Variants in CSMD2 observed in about 807,000 individuals in gnomAD.
CSMD2 encodes the protein CUB and Sushi multiple domains 2, also known as CUB and sushi domain-containing protein 2.
Under a neutral mutation model 398.5 loss-of-function variants are expected in CSMD2, and 130 were observed. That is an observed-to-expected ratio of 0.33 (90% CI 0.28 to 0.38). CSMD2 has a LOEUF of 0.38. CSMD2 is among the 10% of genes least tolerant of loss of function. The pLI is 1.00. For missense variants in CSMD2, 3,829 were observed against 4,764.9 expected, an observed-to-expected ratio of 0.80 and a Z score of 5.78; for synonymous variants, 1,828 against 1,908.5, an observed-to-expected ratio of 0.96 and a Z score of 1.10.
At chr1:33,659,459 C>G (rs1345654426) in intron 26 of CSMD2, among the ~76,000 whole-genome samples, 1 of 152,212 alleles carries the variant, frequency 6.6e-6, no homozygotes, top group African/African-American at 2.4e-5. Context: ...TTCTTGAAAC[C>G]ACAGGATAAA....
chr1:33,764,253 A>G (rs890896282), intron 13 of CSMD2, among the ~76,000 whole-genome samples: 4 of 152,060 alleles, frequency 2.6e-5, no homozygotes, highest in Admixed American at 2.6e-4. Context: ...CAGCTCTTTC[A>G]GCCCTGGACT....
chr1:33,541,442 G>T, intron 58 of CSMD2, 133 bp from the exon 59 acceptor site: 1 of 700,202 alleles, frequency 1.4e-6, no homozygotes, highest in Non-Finnish European at 2.4e-6. Context: ...TCTCCTCACA[G>T]GATCCCAGTT....
chr1:34,161,048 T>G (rs1557453982), intron 1 of CSMD2, among the ~76,000 whole-genome samples: 1 of 152,124 alleles, frequency 6.6e-6, no homozygotes, highest in Non-Finnish European at 1.5e-5. Flanking sequence ...AGTAGCTAGG[T>G]TCGAGAATAA....
intron 28 of CSMD2, among the ~76,000 whole-genome samples, chr1:33,652,012 G>A (rs1557678343): frequency 6.6e-6 from 1 of 152,108 alleles, no homozygotes; most frequent in Non-Finnish European, 1.5e-5. Flanking sequence ...GAATGCAGAG[G>A]GCAGGGCAAG....
chr1:33,767,696 T>G (rs544128), intron 13 of CSMD2, among the ~76,000 whole-genome samples: 48,731 of 152,108 alleles, frequency 0.32, 8,929 homozygotes, highest in African/African-American at 0.5. Context: ...ATATTGTATG[T>G]TGGGGGTATA....
rs1653692737 is a variant in CSMD2 at position 33,515,602 on chromosome 1, G to A, written c.*1022C>T. The A allele has an allele frequency of 6.6e-6, 1 of 152,188 alleles. No individual in the cohort carries two copies. The highest frequency in any genetic ancestry group is 1.5e-5 in the Non-Finnish European group (1 of 68,036). The allele number at this position is 152,188 out of a possible 1,614,324, so 9.4% of individuals were successfully genotyped here. On this transcript the variant is annotated 3_prime_UTR_variant, in exon 71 of 71. Coordinates refer to ENST00000373381, the MANE Select transcript of CSMD2 (RefSeq NM_001281956.2). ...AGGGGAATAACAAATCCTACATTTT[G>A]GTGTTATTGTGCAGACTAGAAATAC...
At chr1:33,897,693 G>A (rs568547272) in intron 5 of CSMD2, among the ~76,000 whole-genome samples, 14 of 152,234 alleles carry the variant, frequency 9.2e-5, no homozygotes, top group African/African-American at 3.1e-4. Flanking sequence ...GCACTACCAG[G>A]GACAAAATGA....
At chr1:34,074,948 C>T (rs1656155367) in intron 2 of CSMD2, among the ~76,000 whole-genome samples, 1 of 152,154 alleles carries the variant, frequency 6.6e-6, no homozygotes, top group Non-Finnish European at 1.5e-5. Context: ...AAAGATCTCC[C>T]CCAAGGCGAG....
chr1:34,072,536 T>C (rs1303728475), intron 2 of CSMD2, among the ~76,000 whole-genome samples: 1 of 152,150 alleles, frequency 6.6e-6, no homozygotes, highest in Non-Finnish European at 1.5e-5. Context: ...TGTTGCGTCT[T>C]TGACCAATAT....
At chr1:33,918,430 T>C (rs1643835725) in intron 4 of CSMD2, 129 bp from the exon 5 acceptor site, 2 of 758,560 alleles carry the variant, frequency 2.6e-6, no homozygotes, top group Non-Finnish European at 4.2e-6. Flanking sequence ...TGGACATAGA[T>C]AAAGCAGCAA....
chr1:33,935,757 T>G lies in CSMD2; in HGVS notation c.712+3A>C. The G allele has an allele frequency of 6.3e-7, 1 of 1,596,674 alleles. No homozygotes were observed. Among genetic ancestry groups the G allele is most frequent in the Non-Finnish European group, 8.5e-7 (1 of 1,171,998 alleles). On this transcript the variant is annotated splice_donor_region_variant and intron_variant, in intron 4 of 70. Transcript: ENST00000373381. ...TCTGTCAGACCCCTTGCTGGCCACC[T>G]ACCTCTGCAGGAAGGCAGGGGGAAG...
chr1:33,653,852 A>T (rs1306820340), intron 27 of CSMD2, among the ~76,000 whole-genome samples: 2 of 152,180 alleles, frequency 1.3e-5, no homozygotes. Flanking sequence ...AGAGCCATTT[A>T]AGGGCTGGCT....
intron 3 of CSMD2, among the ~76,000 whole-genome samples, chr1:34,003,270 T>G (rs1472070866): frequency 6.6e-6 from 1 of 152,242 alleles, no homozygotes; most frequent in East Asian, 1.9e-4. Flanking sequence ...TTGAGGTCTT[T>G]ACAGTGGAAT....
At chr1:34,101,712 T>C (rs747104500) in intron 1 of CSMD2, among the ~76,000 whole-genome samples, 1 of 152,092 alleles carries the variant, frequency 6.6e-6, no homozygotes, top group Non-Finnish European at 1.5e-5. Context: ...TCATTTTTCA[T>C]TGTGGTATTT....
chr1:33,717,500 G>T (rs1412555946), intron 19 of CSMD2, among the ~76,000 whole-genome samples: 1 of 151,882 alleles, frequency 6.6e-6, no homozygotes, highest in African/African-American at 2.4e-5. Flanking sequence ...CCTGAAGGAT[G>T]GTGATGTCTT....
intron 5 of CSMD2, chr1:33,870,178 T>A (rs992023339): frequency 6.6e-6 from 1 of 152,194 alleles, no homozygotes; most frequent in African/African-American, 2.4e-5. Flanking sequence ...CCCTTTGTCC[T>A]ATCATGTGAC....
chr1:33,715,156 C>T (rs1419332918), intron 20 of CSMD2, among the ~76,000 whole-genome samples: 2 of 152,158 alleles, frequency 1.3e-5, no homozygotes, highest in Non-Finnish European at 2.9e-5. Flanking sequence ...ATCCTTTTAT[C>T]TCCATTTTAA....
At chr1:34,092,958 CACAG>C (rs1224772601) in intron 1 of CSMD2, among the ~76,000 whole-genome samples, 1 of 152,108 alleles carries the variant, frequency 6.6e-6, no homozygotes, top group Non-Finnish European at 1.5e-5. Flanking sequence ...GGGGGCAGGG[CACAG>C]ACAAACAAAA....
intron 21 of CSMD2, chr1:33,709,602 A>G: frequency 2.6e-6 from 1 of 381,042 alleles, no homozygotes; most frequent in South Asian, 1.0e-4. Context: ...GTAGCGTAGC[A>G]ACAGAAATGA....
Sources: allele counts gnomAD v4.1 joint callset (sites outside exome capture counted in the v4.1 genomes callset), GRCh38; gene constraint gnomAD v4.1.1; transcripts MANE v1.5; gene names NCBI Gene and HGNC (gene_info 2026-07-23, HGNC 2026-07-21).